Variants in CUL2 observed in about 807,000 individuals in gnomAD.
The protein encoded by CUL2 is cullin-2.
CUL2 carries 22 observed loss-of-function variants against 110.2 expected under a neutral mutation model. The observed-to-expected ratio is 0.20, with a 90% CI of 0.14 to 0.28. The LOEUF (loss-of-function observed/expected upper bound fraction) is 0.28. CUL2 is among the 10% of genes least tolerant of loss of function. CUL2 has a pLI of 1.00. For synonymous variants in CUL2, 279 were observed against 293.2 expected, an observed-to-expected ratio of 0.95 and a Z score of 0.49; for missense variants, 631 against 905.5, an observed-to-expected ratio of 0.70 and a Z score of 3.89.
At chr10:35,081,963 C>G (rs2086955868) in intron 1 of CUL2, among the ~76,000 whole-genome samples, 1 of 152,126 alleles carries the variant, frequency 6.6e-6, no homozygotes, top group Non-Finnish European at 1.5e-5. Context: ...AGATGCATAT[C>G]AATTAACCCT....
At chr10:35,022,845 G>C (rs2085236782) in intron 17 of CUL2, among the ~76,000 whole-genome samples, 1 of 152,146 alleles carries the variant, frequency 6.6e-6, no homozygotes, top group African/African-American at 2.4e-5. Flanking sequence ...AGGCGTTCGA[G>C]ACCAGCCTGG....
intron 1 of CUL2, among the ~76,000 whole-genome samples, chr10:35,113,922 T>G (rs1383783895): frequency 6.6e-6 from 1 of 151,318 alleles, no homozygotes; most frequent in Non-Finnish European, 1.5e-5. Flanking sequence ...TTTATTTATT[T>G]TTTGAGACAG....
At chr10:35,041,295 A>G (rs2085779590) in intron 8 of CUL2, among the ~76,000 whole-genome samples, 3 of 152,204 alleles carry the variant, frequency 2.0e-5, no homozygotes, top group Non-Finnish European at 2.9e-5. Context: ...TAAAACAATG[A>G]TAACTTGGGA....
chr10:35,126,675 C>G (rs2087850480), upstream of CUL2: 1 of 152,738 alleles, frequency 6.5e-6, no homozygotes, highest in Non-Finnish European at 1.5e-5. Flanking sequence ...GGCGCACGCG[C>G]GGCGCGGCAC....
intron 16 of CUL2, among the ~76,000 whole-genome samples, chr10:35,026,432 T>TA (rs1236196291): frequency 3.3e-5 from 5 of 152,326 alleles, no homozygotes; most frequent in East Asian, 1.9e-4. Flanking sequence ...AAATAAAAGT[T>TA]AAAAAAACTT....
At chr10:35,076,332 T>C (rs1020327831) in intron 1 of CUL2, among the ~76,000 whole-genome samples, 11 of 152,174 alleles carry the variant, frequency 7.2e-5, no homozygotes, top group African/African-American at 2.4e-4. Flanking sequence ...ATTGTCATGA[T>C]AGTTGCACAA....
chr10:35,083,447 G>A (rs1274834699), intron 1 of CUL2, among the ~76,000 whole-genome samples: 1 of 152,104 alleles, frequency 6.6e-6, no homozygotes, highest in Non-Finnish European at 1.5e-5. Context: ...GTGGCAATGG[G>A]CACACATAGA....
At chr10:35,018,702 G>A (rs2085108136) in intron 17 of CUL2, among the ~76,000 whole-genome samples, 1 of 146,960 alleles carries the variant, frequency 6.8e-6, no homozygotes, top group South Asian at 2.1e-4. Flanking sequence ...GGTGGAGGTT[G>A]CTGTGAGCCG....
At position 35,073,531 on chromosome 10, in the gene CUL2, C is replaced by T. The variant is rs538319949; in HGVS notation, c.-22-2192G>A. On this transcript the variant is annotated intron_variant, in intron 1 of 20. Coordinates refer to ENST00000374749, the MANE Select transcript of CUL2 (RefSeq NM_003591.4). ...AGTACCCTGTACAAACTCGTTTAAT[C>T]CTCCCAACATTCTGACAGGTAGGTC... 3.9e-4 allele frequency among the ~76,000 whole-genome samples: 59 copies of T among 152,176 alleles called. 1 individual carries two copies. Among genetic ancestry groups the T allele is most frequent in the Middle Eastern group, 6.8e-3 (2 of 294 alleles).
chr10:35,039,740 A>T lies in CUL2; in HGVS notation c.715-658T>A, dbSNP rs182664975. Among the ~76,000 whole-genome samples, 127 of 152,136 alleles carry T rather than the reference A, an allele frequency of 8.3e-4. 1 individual carries two copies. The highest frequency in any genetic ancestry group is 7.1e-3 in the Admixed American group (108 of 15,276). On this transcript the variant is annotated intron_variant, in intron 8 of 20. Transcript: ENST00000374749. The stretch of plus-strand genomic sequence containing the variant: ...ATTAGCCGGGCATGCCTGTAATCCC[A>T]GCTCCTTGGGAGGCCAGGGCAAGAG...
upstream of CUL2, among the ~76,000 whole-genome samples, chr10:35,092,277 T>C (rs1326014437): frequency 1.3e-5 from 2 of 152,098 alleles, no homozygotes; most frequent in Non-Finnish European, 2.9e-5. Context: ...TTTGACTGAG[T>C]TTGTTTTTGT....
At chr10:35,102,165 G>A (rs373708101) in intron 1 of CUL2, among the ~76,000 whole-genome samples, 2 of 152,070 alleles carry the variant, frequency 1.3e-5, no homozygotes, top group Non-Finnish European at 2.9e-5. Context: ...GCTTGAACCC[G>A]GGAGGCAGAG....
At chr10:35,017,565 A>G (rs1336228452) in intron 17 of CUL2, among the ~76,000 whole-genome samples, 4 of 151,988 alleles carry the variant, frequency 2.6e-5, no homozygotes, top group African/African-American at 9.7e-5. Context: ...ATGATGGCAT[A>G]TGCCTGTAAA....
rs1210811652 is a variant in CUL2, at chr10:35,031,018, T to C, written c.1386+282A>G. ...ATGTAAAAATAAATTGAAATGGAAT[T>C]GCACTCCAAAATCTGTACTTAAAGG... On this transcript the variant is annotated intron_variant, in intron 14 of 20. Coordinates refer to ENST00000374749, the MANE Select transcript of CUL2 (RefSeq NM_003591.4). The surrounding 1 kb of genome is among the most constrained non-coding windows in gnomAD (Gnocchi z 4.4). Among the ~76,000 whole-genome samples the C allele has an allele frequency of 6.6e-6, 1 of 152,222 alleles. No homozygotes were observed. Among genetic ancestry groups the C allele is most frequent in the Non-Finnish European group, 1.5e-5 (1 of 68,036 alleles).
At chr10:35,095,120 G>A (rs1207437381), upstream of CUL2, among the ~76,000 whole-genome samples, 5 of 151,856 alleles carry the variant, frequency 3.3e-5, no homozygotes, top group Non-Finnish European at 5.9e-5. Context: ...GGATCACTTC[G>A]AGACCAGCCT....
At chr10:35,121,290 C>T (rs777299724) in intron 1 of CUL2, among the ~76,000 whole-genome samples, 11 of 152,082 alleles carry the variant, frequency 7.2e-5, no homozygotes, top group Non-Finnish European at 1.5e-4. Context: ...TGCTGTGGCG[C>T]GATCTCAGCT....
chr10:35,043,416 C>G (rs1012570187), intron 8 of CUL2, among the ~76,000 whole-genome samples: 5 of 152,152 alleles, frequency 3.3e-5, no homozygotes, highest in African/African-American at 1.2e-4. Context: ...ACAGAGCTAA[C>G]TAGTAAGAAA....
intron 8 of CUL2, among the ~76,000 whole-genome samples, chr10:35,039,915 G>A (rs936287995): frequency 2.0e-5 from 3 of 152,144 alleles, no homozygotes; most frequent in African/African-American, 7.2e-5. Context: ...CACTTTGGGA[G>A]GCCGAGGTGG....
intron 5 of CUL2, among the ~76,000 whole-genome samples, chr10:35,052,145 A>T (rs1366236438): frequency 6.6e-6 from 1 of 152,176 alleles, no homozygotes; most frequent in African/African-American, 2.4e-5. Flanking sequence ...CTACATCCAG[A>T]TAGGCTGTTG....
Sources: allele counts gnomAD v4.1 joint callset (sites outside exome capture counted in the v4.1 genomes callset), GRCh38; gene constraint gnomAD v4.1.1; non-coding constraint Gnocchi (gnomAD v3.1); transcripts MANE v1.5; gene names NCBI Gene and HGNC (gene_info 2026-07-23, HGNC 2026-07-21).